CTNNA2: variants seen among roughly 807,000 people sequenced by gnomAD.
The protein encoded by CTNNA2 is catenin alpha 2, also known as catenin alpha-2.
In CTNNA2, 42 loss-of-function variants were observed where a neutral mutation model predicts 101.0. The ratio of observed to expected loss-of-function variants is 0.42; its 90% CI spans 0.32 to 0.54. The LOEUF is 0.54. Among genes scored for constraint, CTNNA2 ranks in the 20% least tolerant of loss-of-function variants. The pLI, the probability that CTNNA2 is intolerant of heterozygous loss-of-function variation, is 0.14. For missense variants in CTNNA2, 871 were observed against 1,223.1 expected (o/e 0.71, Z 4.29); for synonymous variants, 450 against 456.4 (o/e 0.99, Z 0.18).
chr2:79,454,897 A>G (rs764978344), intron 4 of CTNNA2, among the ~76,000 whole-genome samples: 3 of 152,174 alleles, frequency 2.0e-5, no homozygotes, highest in African/African-American at 4.8e-5. Context: ...TTGTTACACT[A>G]TAATATTGGG....
intron 1 of CTNNA2, among the ~76,000 whole-genome samples, chr2:79,531,774 G>A (rs991740704): frequency 3.3e-5 from 5 of 151,106 alleles, no homozygotes; most frequent in South Asian, 2.1e-4. Context: ...CTCCGTCTCC[G>A]AGGTTCAAGT....
At chr2:80,437,181 A>G (rs2149435837) in intron 9 of CTNNA2, among the ~76,000 whole-genome samples, 1 of 152,336 alleles carries the variant, frequency 6.6e-6, no homozygotes, top group Admixed American at 6.5e-5. Context: ...ACTGTGAGCC[A>G]TAAATTTCTG....
chr2:79,230,492 G>T (rs1203432598), intron 2 of CTNNA2, among the ~76,000 whole-genome samples: 5 of 152,322 alleles, frequency 3.3e-5, no homozygotes, highest in Non-Finnish European at 5.9e-5. Flanking sequence ...AAGATGTATG[G>T]AAACACCTGG....
At chr2:80,446,166 A>C (rs1468510563) in intron 9 of CTNNA2, among the ~76,000 whole-genome samples, 2 of 152,174 alleles carry the variant, frequency 1.3e-5, no homozygotes, top group Non-Finnish European at 2.9e-5. Context: ...AAGAATTCTT[A>C]ATGCACTTAG....
intron 2 of CTNNA2, among the ~76,000 whole-genome samples, chr2:79,689,854 A>G (rs996287508): frequency 6.6e-6 from 1 of 152,024 alleles, no homozygotes; most frequent in Non-Finnish European, 1.5e-5. Flanking sequence ...TTAACAGTAG[A>G]TTAGACAAAG....
chr2:80,115,437 A>G lies in CTNNA2; in HGVS notation c.1056+205640A>G, dbSNP rs73940948. On this transcript the variant is annotated intron_variant, in intron 7 of 18. Transcript: ENST00000402739. The stretch of plus-strand genomic sequence containing the variant: ...GAAATGGAGGTAGACAGTACACTCC[A>G]TCTTCTGAAGATTGGGCTCTCAAGG... Among the ~76,000 whole-genome samples the G allele has an allele frequency of 2.2e-3, 329 of 152,358 alleles. 1 individual carries two copies. Among genetic ancestry groups the G allele is most frequent in the African/African-American group, 7.5e-3 (311 of 41,574 alleles).
In CTNNA2 at chr2:79,638,654, A is replaced by G. The variant is rs1396926725; in HGVS notation, c.-5-12898A>G. The stretch of plus-strand genomic sequence containing the variant: ...CAGTGAATCAGCCAGTCTATGACAC[A>G]GGAAACTGCATGAGGCAGGTCTATT... On this transcript the variant is annotated intron_variant, in intron 1 of 18. Transcript: ENST00000402739. Among the ~76,000 whole-genome samples, 4 of 152,354 alleles carry G rather than the reference A, an allele frequency of 2.6e-5. No homozygotes were observed. The East Asian group carries it at 7.7e-4, about 29-fold the overall frequency.
intron 4 of CTNNA2, among the ~76,000 whole-genome samples, chr2:79,415,724 C>A (rs765475245): frequency 1.3e-5 from 2 of 152,028 alleles, no homozygotes; most frequent in African/African-American, 2.4e-5. Flanking sequence ...TGCCTGGTAT[C>A]TGGAAGCAAA....
intron 10 of CTNNA2, 102 bp downstream of exon 10, chr2:80,545,176 G>A (rs1691933691): frequency 9.2e-7 from 1 of 1,092,520 alleles, no homozygotes; most frequent in African/African-American, 1.6e-5. Context: ...GCTGAAAAAG[G>A]CTACTCATCA....
intron 17 of CTNNA2, among the ~76,000 whole-genome samples, chr2:80,610,553 G>A (rs930898101): frequency 2.6e-5 from 4 of 151,132 alleles, no homozygotes; most frequent in Admixed American, 6.6e-5. Flanking sequence ...TCAAAGCCAC[G>A]GCTTCTCTGA....
At position 79,716,635 on chromosome 2, in the gene CTNNA2, G is replaced by A. The variant is rs543667681; in HGVS notation, c.103-27752G>A. Among the ~76,000 whole-genome samples the A allele has an allele frequency of 3.9e-4, 60 of 152,298 alleles. No homozygotes were observed. The South Asian group carries it at 0.012, about 31-fold the overall frequency. On this transcript the variant is annotated intron_variant, in intron 2 of 18. Coordinates refer to ENST00000402739, the MANE Select transcript of CTNNA2 (RefSeq NM_001282597.3). ...GCTGAAGGGATATGGCAGCCCTAGG[G>A]AACGGCAGTTCACAGTGAACTCTGG...
chr2:79,824,500 G>GCAACC (rs3041925), intron 3 of CTNNA2, among the ~76,000 whole-genome samples: 81,990 of 151,488 alleles, frequency 0.54, 23,286 homozygotes, highest in African/African-American at 0.73. Context: ...CTTTCCAGGA[G>GCAACC]CACTGCCCCA....
chr2:79,451,349 A>G (rs963147384), intron 4 of CTNNA2, among the ~76,000 whole-genome samples: 16 of 152,246 alleles, frequency 1.1e-4, no homozygotes, highest in South Asian at 2.1e-4. Flanking sequence ...AATAGCCACT[A>G]TAAATTCAGA....
At chr2:79,210,341 T>C (rs1433110853) in intron 2 of CTNNA2, among the ~76,000 whole-genome samples, 1 of 152,128 alleles carries the variant, frequency 6.6e-6, no homozygotes, top group African/African-American at 2.4e-5. Flanking sequence ...AAAATAAAAG[T>C]ACATATTAGA....
At chr2:80,405,362 G>T (rs756353950) in intron 8 of CTNNA2, among the ~76,000 whole-genome samples, 1 of 152,118 alleles carries the variant, frequency 6.6e-6, no homozygotes, top group Admixed American at 6.5e-5. Flanking sequence ...AACCCTAGTG[G>T]GTTGACTCTG....
At chr2:80,465,134 G>T (rs1379212012) in intron 9 of CTNNA2, among the ~76,000 whole-genome samples, 1 of 152,152 alleles carries the variant, frequency 6.6e-6, no homozygotes, top group African/African-American at 2.4e-5. Flanking sequence ...GACTTGTTCA[G>T]TATTGAACCC....
rs577858101 is a variant in CTNNA2 at position 80,186,240 on chromosome 2, T to G, written c.1057-206971T>G. Among the ~76,000 whole-genome samples the G allele has an allele frequency of 1.1e-4, 16 of 152,368 alleles. No individual in the cohort carries two copies. The South Asian group carries it at 3.3e-3, about 32-fold the overall frequency. ...CAACTCCTAGAGACACATTGCCTTATTGATTTTACTTTATTTCTCATGTCT... is the reference window on the plus strand; with the variant it reads ...CAACTCCTAGAGACACATTGCCTTAGTGATTTTACTTTATTTCTCATGTCT... On this transcript the variant is annotated intron_variant, in intron 7 of 18. Transcript: ENST00000402739.
chr2:79,729,282 A>C (rs1687058527), intron 2 of CTNNA2, among the ~76,000 whole-genome samples: 1 of 152,144 alleles, frequency 6.6e-6, no homozygotes, highest in African/African-American at 2.4e-5. Flanking sequence ...CTTTGGCTAC[A>C]GAGCTAAGTT....
chr2:80,512,224 T>C (rs1688764075), intron 9 of CTNNA2, among the ~76,000 whole-genome samples: 1 of 150,934 alleles, frequency 6.6e-6, no homozygotes, highest in African/African-American at 2.4e-5. Context: ...TTAATTCTCA[T>C]CTGTTAGATA....
Sources: gnomAD v4.1 joint callset for allele counts (sites outside exome capture counted in the v4.1 genomes callset) on GRCh38, gnomAD v4.1.1 for gene constraint, MANE v1.5 for transcripts, NCBI Gene and HGNC (gene_info 2026-07-23, HGNC 2026-07-21) for gene names.